The following PLEKHA5 variants were observed in gnomAD, a reference collection of about 807,000 sequenced individuals.
PLEKHA5 encodes the protein pleckstrin homology domain containing A5.
A neutral mutation model predicts 181.9 loss-of-function variants in PLEKHA5; 55 were observed. That is an observed-to-expected ratio of 0.30 (90% confidence interval 0.24 to 0.38). The LOEUF is 0.38. Among genes scored for constraint, PLEKHA5 ranks in the 10% least tolerant of loss-of-function variants. PLEKHA5 has a pLI of 1.00. For missense variants in PLEKHA5, 1,432 were observed against 1,549.5 expected, an observed-to-expected ratio of 0.92 and a Z score of 1.27; for synonymous variants, 535 against 529.4, an observed-to-expected ratio of 1.01 and a Z score of -0.15.
intron 3 of PLEKHA5, among the ~76,000 whole-genome samples, chr12:19,231,535 C>CATATATATGTATATATAT: frequency 6.7e-6 from 1 of 148,242 alleles, no homozygotes; most frequent in African/African-American, 2.5e-5. Context: ...TATATGTACA[C>CATATATATGTATATATAT]ATATATATGT....
chr12:19,358,911 T>C (rs1399295446), intron 27 of PLEKHA5, among the ~76,000 whole-genome samples: 1 of 152,224 alleles, frequency 6.6e-6, no homozygotes, highest in African/African-American at 2.4e-5. Flanking sequence ...TTCAGGCTTA[T>C]AAAGTGATGC....
At chr12:19,147,255 G>A (rs758105646) in intron 3 of PLEKHA5, 4 of 152,122 alleles carry the variant, frequency 2.6e-5, no homozygotes, top group African/African-American at 4.8e-5. Context: ...AATAATATAC[G>A]TATTTCTTTT....
At chr12:19,135,393 C>T (rs1053321161) in intron 3 of PLEKHA5, among the ~76,000 whole-genome samples, 3 of 152,056 alleles carry the variant, frequency 2.0e-5, no homozygotes, top group Non-Finnish European at 4.4e-5. Context: ...GAAAAGGCAA[C>T]CTCTAAATTC....
At chr12:19,152,812 G>A (rs1223073592) in intron 3 of PLEKHA5, 1 of 152,022 alleles carries the variant, frequency 6.6e-6, no homozygotes, top group Non-Finnish European at 1.5e-5. Flanking sequence ...GAGTGTAATT[G>A]AAGTTGTAAA....
At chr12:19,336,999 T>C (rs2093477845) in intron 21 of PLEKHA5, among the ~76,000 whole-genome samples, 1 of 149,040 alleles carries the variant, frequency 6.7e-6, no homozygotes, top group South Asian at 2.1e-4. Context: ...TTTTTTTTTT[T>C]TTTTTGAGAC....
intron 7 of PLEKHA5, among the ~76,000 whole-genome samples, chr12:19,265,240 A>C (rs1227985488): frequency 6.6e-6 from 1 of 152,216 alleles, no homozygotes; most frequent in African/African-American, 2.4e-5. Context: ...TCTAGCATGG[A>C]GAAAAAGATA....
At chr12:19,306,468 C>T (rs1478429180) in intron 15 of PLEKHA5, 5 of 642,030 alleles carry the variant, frequency 7.8e-6, no homozygotes, top group East Asian at 3.6e-5. Context: ...CCACCTCCCA[C>T]GAACCGGTTC....
intron 31 of PLEKHA5, chr12:19,373,783 A>C (rs2095645718): frequency 6.6e-6 from 1 of 152,336 alleles, no homozygotes; most frequent in Non-Finnish European, 1.5e-5. Flanking sequence ...ATGACCTCTT[A>C]GTAGAAAAAT....
intron 13 of PLEKHA5, among the ~76,000 whole-genome samples, chr12:19,290,143 G>C (rs2078091325): frequency 6.8e-6 from 1 of 148,148 alleles, no homozygotes; most frequent in African/African-American, 2.4e-5. Context: ...GCAGGGCTCA[G>C]GCTGGTCTCG....
chr12:19,369,783 T>C lies in PLEKHA5; in HGVS notation c.3845T>C (p.Val1282Ala), dbSNP rs750624555. The change falls in exon 31 of 32, where the codon GTG (valine) becomes GCG (alanine). Residue 1282 changes from valine (V) to alanine (A), a missense_variant. Coordinates refer to ENST00000429027, the MANE Select transcript of PLEKHA5 (RefSeq NM_001256470.2). ...ACAGAAGGATCACATTTCATGTGTG[T>C]GTAGTCTTAGAAGAAGTACGTCATT... ...QLTEGSHFMC[V>A] 5.0e-6 allele frequency: 8 copies of C among 1,596,566 alleles called. No individual in the cohort carries two copies. Among genetic ancestry groups the C allele is most frequent in the Non-Finnish European group, 6.9e-6 (8 of 1,167,530 alleles).
chr12:19,246,213 C>T (rs967928491), intron 3 of PLEKHA5, among the ~76,000 whole-genome samples: 4 of 151,684 alleles, frequency 2.6e-5, no homozygotes, highest in African/African-American at 7.3e-5. Flanking sequence ...CTCTTGACCT[C>T]GTGATCCACC....
At position 19,314,632 on chromosome 12, in the gene PLEKHA5, A is replaced by G. The variant is rs566048689; in HGVS notation, c.2038-182A>G. On this transcript the variant is annotated intron_variant, in intron 15 of 31. Coordinates refer to ENST00000429027, the MANE Select transcript of PLEKHA5 (RefSeq NM_001256470.2). ...TAGTTTTTTCTTGGAAGTATTTCAC[A>G]GCGTTTAATACTTGTTTGAAATGGT... is the stretch of plus-strand genomic sequence containing the variant. 532 of 579,776 alleles carry G rather than the reference A, an allele frequency of 9.2e-4. 1 individual carries two copies. Among genetic ancestry groups the G allele is most frequent in the Non-Finnish European group, 1.0e-3 (318 of 314,034 alleles). The allele number at this position is 579,776 out of a possible 1,614,324, so 35.9% of individuals were successfully genotyped here.
intron 3 of PLEKHA5, among the ~76,000 whole-genome samples, chr12:19,222,148 T>C (rs2059038986): frequency 6.6e-6 from 1 of 152,098 alleles, no homozygotes; most frequent in Non-Finnish European, 1.5e-5. Context: ...TTTATGAATA[T>C]GTATATTTGT....
chr12:19,304,159 C>T (rs1049549746), intron 15 of PLEKHA5, among the ~76,000 whole-genome samples: 16 of 152,102 alleles, frequency 1.1e-4, no homozygotes, highest in South Asian at 2.1e-4. Context: ...CGGTGGCTCA[C>T]GCCTGTAATC....
chr12:19,129,780 G>A lies in PLEKHA5; in HGVS notation c.-20G>A, dbSNP rs773861210. The A allele has an allele frequency of 2.4e-5, 38 of 1,578,998 alleles. No individual in the cohort carries two copies. The highest frequency in any genetic ancestry group is 1.0e-5 in the Non-Finnish European group (12 of 1,159,362). ...GCGGCGGCAGCAGGAGAAGGCGGCG[G>A]CGGCGGCTAGGGATCAGACATGGCG... is the stretch of plus-strand genomic sequence containing the variant. On this transcript the variant is annotated 5_prime_UTR_variant, in exon 1 of 32. Transcript: ENST00000429027.
Position 19,129,835 on chromosome 12 carries a change from G to T in PLEKHA5, c.36G>T (p.Leu12=), listed in dbSNP as rs746250945. The change falls in exon 1 of 32, where the codon CTG becomes CTT. Residue 12 remains leucine, a synonymous_variant. Transcript: ENST00000429027. ...AADLNLEWIS[L]PRSWTYGITR... ...ATCTGAACCTGGAGTGGATCTCCCT[G>T]CCCCGGTCCTGGACTTACGGGATCA... The T allele has an allele frequency of 4.4e-6, 7 of 1,606,820 alleles. No individual in the cohort carries two copies. Among genetic ancestry groups the T allele is most frequent in the South Asian group, 1.1e-5 (1 of 90,440 alleles).
In PLEKHA5 at chr12:19,359,551, C is replaced by T. The variant is rs777310916; in HGVS notation, c.3483+5C>T. On this transcript the variant is annotated splice_donor_5th_base_variant and intron_variant, in intron 28 of 31. Coordinates refer to ENST00000429027, the MANE Select transcript of PLEKHA5 (RefSeq NM_001256470.2). ...AATGTGGACTTCAGCAAAGAGGTAG[C>T]GAGATTATTTTATGAAAGGTATTCC... is the stretch of plus-strand genomic sequence containing the variant. 3 of 1,612,382 alleles carry T rather than the reference C, an allele frequency of 1.9e-6. No individual in the cohort carries two copies. The highest frequency in any genetic ancestry group is 1.7e-6 in the Non-Finnish European group (2 of 1,178,918).
At chr12:19,288,951 C>CT (rs924580069) in intron 13 of PLEKHA5, among the ~76,000 whole-genome samples, 1 of 152,150 alleles carries the variant, frequency 6.6e-6, no homozygotes, top group Non-Finnish European at 1.5e-5. Flanking sequence ...ATCTCTTAGT[C>CT]TGTTTAGCTC....
At chr12:19,164,235 G>C (rs1439974881) in intron 3 of PLEKHA5, among the ~76,000 whole-genome samples, 1 of 115,130 alleles carries the variant, frequency 8.7e-6, no homozygotes, top group Non-Finnish European at 1.6e-5. Context: ...GTCTCTCTCT[G>C]TTGCCCAGGG....
Sources: allele counts gnomAD v4.1 joint callset (sites outside exome capture counted in the v4.1 genomes callset), GRCh38; gene constraint gnomAD v4.1.1; transcripts MANE v1.5; gene names NCBI Gene and HGNC (gene_info 2026-07-23, HGNC 2026-07-21).